IARS2: variants seen among roughly 807,000 people sequenced by gnomAD.
IARS2 encodes the protein isoleucine--tRNA ligase, mitochondrial.
In IARS2, 56 loss-of-function variants were observed where a neutral mutation model predicts 126.3. That is an observed-to-expected ratio of 0.44 (90% CI 0.36 to 0.55). IARS2 has a LOEUF of 0.55. Ranked by LOEUF, IARS2 falls within the 20% of genes least tolerant of loss-of-function variation. The probability of loss-of-function intolerance (pLI) is 0.00; values close to 1 mark genes in which losing one functional copy is unlikely to be tolerated. For synonymous variants in IARS2, 407 were observed against 441.1 expected, an observed-to-expected ratio of 0.92 and a Z score of 0.97; for missense variants, 1,127 against 1,245.9, an observed-to-expected ratio of 0.90 and a Z score of 1.44.
At chr1:220,115,930 A>G (rs573160118) in intron 12 of IARS2, among the ~76,000 whole-genome samples, 20 of 152,302 alleles carry the variant, frequency 1.3e-4, no homozygotes, top group South Asian at 1.0e-3. Context: ...TCACTTAAGA[A>G]ACATTGTTAT....
At chr1:220,121,946 C>A (rs943799938) in intron 12 of IARS2, among the ~76,000 whole-genome samples, 1 of 152,064 alleles carries the variant, frequency 6.6e-6, no homozygotes, top group Non-Finnish European at 1.5e-5. Flanking sequence ...GGAAAGAAAG[C>A]AGGGCATGTT....
intron 16 of IARS2, 139 bp from the exon 17 acceptor site, chr1:220,137,779 G>T (rs140052684): frequency 4.9e-6 from 4 of 813,794 alleles, no homozygotes; most frequent in Non-Finnish European, 5.7e-6. Flanking sequence ...TTGTTAGCCC[G>T]CATTTCATTA....
intron 16 of IARS2, chr1:220,137,611 C>T (rs529240046): frequency 5.2e-5 from 12 of 232,322 alleles, no homozygotes; most frequent in Non-Finnish European, 9.4e-5. Flanking sequence ...ATTATAGAGA[C>T]CTCCCTGGCA....
intron 2 of IARS2, among the ~76,000 whole-genome samples, chr1:220,099,315 A>T (rs962401783): frequency 6.6e-6 from 1 of 152,178 alleles, no homozygotes; most frequent in Non-Finnish European, 1.5e-5. Flanking sequence ...TAATGAAAAG[A>T]AACAAGTGAA....
intron 12 of IARS2, among the ~76,000 whole-genome samples, chr1:220,116,832 C>T (rs1455789580): frequency 6.6e-6 from 1 of 152,050 alleles, no homozygotes; most frequent in Admixed American, 6.6e-5. Context: ...CTACAACCTC[C>T]ACCTCCCAGG....
At position 220,094,343 on chromosome 1, in the gene IARS2, C is replaced by T; in HGVS notation, c.127C>T (p.Arg43Trp). Residue 43 changes from arginine (R) to tryptophan (W), a missense_variant, in exon 1 of 23, where the codon CGG (arginine) becomes TGG (tryptophan). Coordinates refer to ENST00000366922, the MANE Select transcript of IARS2 (RefSeq NM_018060.4). ...WQGATKRLLV[R>W]SVSGASNHQP... is the part of the protein sequence containing the mutation. ...AGGGGCGACGAAGAGGCTTCTGGTG[C>T]GGTCGGTCTCCGGGGCCAGTAACCA... The T allele has an allele frequency of 6.2e-7, 1 of 1,613,084 alleles. No individual in the cohort carries two copies. Among genetic ancestry groups the T allele is most frequent in the Non-Finnish European group, 8.5e-7 (1 of 1,179,654 alleles).
chr1:220,137,749 A>G, intron 16 of IARS2, 169 bp from the exon 17 acceptor site: 1 of 664,742 alleles, frequency 1.5e-6, no homozygotes, highest in East Asian at 2.8e-5. Context: ...TTTTGTTTTT[A>G]GATACAGTCT....
chr1:220,117,376 T>C (rs1194752586), intron 12 of IARS2, among the ~76,000 whole-genome samples: 2 of 151,620 alleles, frequency 1.3e-5, no homozygotes, highest in African/African-American at 4.8e-5. Flanking sequence ...TATATATATT[T>C]TTTAGTAGAG....
rs149286404 is a variant in IARS2 at position 220,118,286 on chromosome 1, G to T, written c.1640+3812G>T. On this transcript the variant is annotated intron_variant, in intron 12 of 22. Coordinates refer to ENST00000366922, the MANE Select transcript of IARS2 (RefSeq NM_018060.4). ...CTTTTGCTCATCATGGGAGCTGTAC[G>T]ATATCTCTAAGTATACTTGTTTCAC... 132 of 406,714 alleles carry T rather than the reference G, an allele frequency of 3.2e-4. No individual in the cohort carries two copies. In the East Asian group the frequency reaches 8.6e-3, roughly 26 times the overall value. 25.2% of individuals were successfully genotyped at this position (406,714 alleles called of 1,614,324 possible). A position where few individuals can be genotyped will look rare whatever the true frequency, so the allele number is the denominator to read the frequency against.
At chr1:220,130,500 A>G (rs1261718010) in intron 14 of IARS2, among the ~76,000 whole-genome samples, 2 of 152,078 alleles carry the variant, frequency 1.3e-5, no homozygotes, top group Admixed American at 1.3e-4. Flanking sequence ...TGGGGGCCTT[A>G]GATTTAAGTC....
intron 14 of IARS2, among the ~76,000 whole-genome samples, chr1:220,127,447 TAGG>T (rs926512108): frequency 6.6e-5 from 10 of 152,192 alleles, no homozygotes; most frequent in Non-Finnish European, 1.2e-4. Context: ...AAAGGAGTAG[TAGG>T]AGAAGGCACA....
Position 220,125,255 on chromosome 1 carries a change from T to C in IARS2, c.1659T>C (p.Ile553=), listed in dbSNP as rs1011023720. 6.2e-7 allele frequency: 1 copy of C among 1,612,716 alleles called. No homozygotes were observed. Among genetic ancestry groups the C allele is most frequent in the South Asian group, 1.1e-5 (1 of 90,980 alleles). The change falls in exon 13 of 23, where the codon ATT becomes ATC. Residue 553 remains isoleucine, a synonymous_variant. Transcript: ENST00000366922. Reference sequence around the variant, plus strand: ...GAAATAGCCAAACCACTGAGCATATTGTTAAACTAGTGGAACAACACGGCA... The same window carrying C: ...GAAATAGCCAAACCACTGAGCATATCGTTAAACTAGTGGAACAACACGGCA... The part of the protein sequence containing the change: ...YLINSQTTEH[I]VKLVEQHGSD...
At chr1:220,113,124 C>G (rs1218696807) in intron 11 of IARS2, among the ~76,000 whole-genome samples, 1 of 152,134 alleles carries the variant, frequency 6.6e-6, no homozygotes, top group Non-Finnish European at 1.5e-5. Context: ...CTCAGCCTCC[C>G]AAAGTGCTGG....
At chr1:220,126,921 C>G (rs1657167385) in intron 14 of IARS2, 78 bp downstream of exon 14, 1 of 1,009,868 alleles carries the variant, frequency 9.9e-7, no homozygotes, top group Middle Eastern at 2.2e-4. Flanking sequence ...GATCTATAAT[C>G]AAACTCTTTT....
chr1:220,109,212 A>G (rs1656749913), intron 10 of IARS2, among the ~76,000 whole-genome samples: 1 of 152,112 alleles, frequency 6.6e-6, no homozygotes, highest in South Asian at 2.1e-4. Context: ...CTGCCTGGCC[A>G]ACATGGTGAA....
At chr1:220,140,463 G>A (rs1203815948) in intron 19 of IARS2, among the ~76,000 whole-genome samples, 174 bp downstream of exon 19, 1 of 152,018 alleles carries the variant, frequency 6.6e-6, no homozygotes, top group South Asian at 2.1e-4. Context: ...CCTGTAATCC[G>A]AGTCACTCAG....
chr1:220,116,217 G>A (rs1024568248), intron 12 of IARS2, among the ~76,000 whole-genome samples: 1 of 152,076 alleles, frequency 6.6e-6, no homozygotes, highest in Non-Finnish European at 1.5e-5. Flanking sequence ...TCTTCAGAAC[G>A]AAACAAAACA....
intron 12 of IARS2, chr1:220,118,260 C>T (rs774607587): frequency 6.6e-6 from 3 of 452,990 alleles, no homozygotes; most frequent in African/African-American, 6.1e-5. Context: ...TAAGGAGATT[C>T]CTTTTGCTCA....
chr1:220,144,322 G>C, intron 21 of IARS2: 1 of 746,624 alleles, frequency 1.3e-6, no homozygotes, highest in Non-Finnish European at 2.4e-6. Context: ...GCTCTTGAGA[G>C]CATCAGCCAG....
Sources: gnomAD v4.1 joint callset for allele counts (sites outside exome capture counted in the v4.1 genomes callset) on GRCh38, gnomAD v4.1.1 for gene constraint, MANE v1.5 for transcripts, NCBI Gene and HGNC (gene_info 2026-07-23, HGNC 2026-07-21) for gene names.